Variants in LAMC1 observed in about 807,000 individuals in gnomAD.
The protein encoded by LAMC1 is laminin subunit gamma 1.
LAMC1 carries 38 observed loss-of-function variants against 173.6 expected under a neutral mutation model. The observed-to-expected ratio is 0.22, with a 90% CI of 0.17 to 0.29. The LOEUF (loss-of-function observed/expected upper bound fraction) is 0.29. Ranked by LOEUF, LAMC1 falls within the 10% of genes least tolerant of loss-of-function variation. The pLI is 1.00. For missense variants in LAMC1, 1,824 were observed against 2,051.8 expected (o/e 0.89, Z 2.14); for synonymous variants, 746 against 749.1 (o/e 1.00, Z 0.07).
intron 26 of LAMC1, chr1:183,138,176 C>T: frequency 3.2e-6 from 3 of 945,250 alleles, no homozygotes; most frequent in Non-Finnish European, 3.8e-6. Context: ...TCTTCTTATT[C>T]TTGTTCTCCC....
chr1:183,110,021 CATAA>C (rs1656099154), intron 3 of LAMC1, among the ~76,000 whole-genome samples: 1 of 152,164 alleles, frequency 6.6e-6, no homozygotes, highest in African/African-American at 2.4e-5. Flanking sequence ...ATCCTGAGCA[CATAA>C]ATAAAGCACT....
In LAMC1 at chr1:183,134,803, A is replaced by G; in HGVS notation, c.3993A>G (p.Glu1331=). ...VKNLLEKGKT[E]QQTADQLLAR... ...ACCTTCTGGAGAAAGGCAAGACTGA[A>G]CAGCAGGTTGGTTTGATTTGCAGGT... Residue 1331 remains glutamate, a synonymous_variant, in exon 23 of 28, where the codon GAA becomes GAG. Transcript: ENST00000258341. The G allele has an allele frequency of 6.2e-7, 1 of 1,611,310 alleles. No individual in the cohort carries two copies. Among genetic ancestry groups the G allele is most frequent in the East Asian group, 2.2e-5 (1 of 44,884 alleles).
intron 1 of LAMC1, among the ~76,000 whole-genome samples, chr1:183,038,699 A>G (rs1169081958): frequency 3.3e-5 from 5 of 152,206 alleles, no homozygotes; most frequent in Admixed American, 2.6e-4. Context: ...ACGAATCCCA[A>G]TTAGAGGCAG....
intron 13 of LAMC1, 39 bp downstream of exon 13, chr1:183,122,290 C>G: frequency 6.3e-7 from 1 of 1,587,236 alleles, no homozygotes; most frequent in Non-Finnish European, 8.6e-7. Flanking sequence ...GTGTTCCCTT[C>G]TATAAAAAGA....
chr1:183,133,575 G>T, intron 22 of LAMC1, 25 bp downstream of exon 22: 2 of 1,584,484 alleles, frequency 1.3e-6, no homozygotes, highest in African/African-American at 1.3e-5. Flanking sequence ...TGTACGCACA[G>T]CCCCACCCCG....
chr1:183,132,313 TA>T, intron 20 of LAMC1, 86 bp from the exon 21 acceptor site: 5 of 803,132 alleles, frequency 6.2e-6, no homozygotes, highest in Non-Finnish European at 9.5e-6. Context: ...ATAATAATAA[TA>T]ATAATAAAGT....
At chr1:183,077,288 T>A (rs1655140721) in intron 1 of LAMC1, among the ~76,000 whole-genome samples, 1 of 152,160 alleles carries the variant, frequency 6.6e-6, no homozygotes, top group Non-Finnish European at 1.5e-5. Flanking sequence ...TGTTAGTCGT[T>A]TTGGAGAGGG....
intron 1 of LAMC1, among the ~76,000 whole-genome samples, chr1:183,088,837 T>C (rs1655497711): frequency 1.3e-5 from 2 of 152,118 alleles, no homozygotes; most frequent in South Asian, 4.1e-4. Flanking sequence ...AGACGTGGCA[T>C]ATGGATAATA....
At position 183,134,640 on chromosome 1, in the gene LAMC1, A is replaced by G. The variant is rs1378456684; in HGVS notation, c.3850-20A>G. 2.4e-5 allele frequency: 39 copies of G among 1,601,034 alleles called. No individual in the cohort carries two copies. The highest frequency in any genetic ancestry group is 3.2e-5 in the Non-Finnish European group (37 of 1,173,762). On this transcript the variant is annotated intron_variant, in intron 22 of 27. Coordinates refer to ENST00000258341, the MANE Select transcript of LAMC1 (RefSeq NM_002293.4). ...TAAATGTTTTATCCAAAGTGTAGTG[A>G]TCTTACTTGCTTTTCACAGAATGAA...
At chr1:183,035,200 T>C (rs538086952) in intron 1 of LAMC1, among the ~76,000 whole-genome samples, 9 of 152,276 alleles carry the variant, frequency 5.9e-5, no homozygotes, top group Non-Finnish European at 1.2e-4. Flanking sequence ...AAAAAATATA[T>C]ATGTTTTAGA....
chr1:183,074,952 CA>C (rs1482574511), intron 1 of LAMC1, among the ~76,000 whole-genome samples: 1 of 152,110 alleles, frequency 6.6e-6, no homozygotes, highest in Non-Finnish European at 1.5e-5. Context: ...AATTCAGACA[CA>C]ACCTCAATCC....
chr1:183,042,565 T>C (rs1654164222), intron 1 of LAMC1, among the ~76,000 whole-genome samples: 1 of 152,190 alleles, frequency 6.6e-6, no homozygotes, highest in Non-Finnish European at 1.5e-5. Context: ...GTCTGGTTTC[T>C]CCCAAGTTCT....
In LAMC1 at chr1:183,034,000, G is replaced by A. The variant is rs6657212; in HGVS notation, c.418+9866G>A. On this transcript the variant is annotated intron_variant, in intron 1 of 27. Transcript: ENST00000258341. ...AGTCGTGAGCCACTGTGCCTGGCTGGAGAAACTTATAAAGCTATGAAATAT... is the reference window on the plus strand; with the variant it reads ...AGTCGTGAGCCACTGTGCCTGGCTGAAGAAACTTATAAAGCTATGAAATAT... Among the ~76,000 whole-genome samples, 663 of 152,060 alleles carry A rather than the reference G, an allele frequency of 4.4e-3. 6 individuals are homozygous for A. Among genetic ancestry groups the A allele is most frequent in the African/African-American group, 0.015 (629 of 41,482 alleles).
chr1:183,084,515 C>T (rs527293685), intron 1 of LAMC1, among the ~76,000 whole-genome samples: 1 of 152,228 alleles, frequency 6.6e-6, no homozygotes, highest in African/African-American at 2.4e-5. Flanking sequence ...GTTTCTGAAA[C>T]TTGTATTATC....
At chr1:183,127,747 A>G (rs1656660438) in intron 17 of LAMC1, among the ~76,000 whole-genome samples, 2 of 152,170 alleles carry the variant, frequency 1.3e-5, no homozygotes. Context: ...AACCTGGTAT[A>G]CAGAGGCCTG....
Position 183,130,348 on chromosome 1 carries a change from T to C in LAMC1, c.3285T>C (p.Val1095=), listed in dbSNP as rs769214262. 1 of 1,613,732 alleles carries C rather than the reference T, an allele frequency of 6.2e-7. No individual in the cohort carries two copies. The highest frequency in any genetic ancestry group is 1.1e-5 in the South Asian group (1 of 91,076). ...LLREAQDVKD[V]DQNLMDRLQR... ...TTCTTCTGCAAACCATTTTAGATGT[T>C]GACCAGAATTTGATGGATCGCCTAC... Residue 1095 remains valine, a synonymous_variant, in exon 19 of 28, where the codon GTT becomes GTC. Coordinates refer to ENST00000258341, the MANE Select transcript of LAMC1 (RefSeq NM_002293.4).
Position 183,132,394 on chromosome 1 carries a change from G to T in LAMC1, c.3567-6G>T, listed in dbSNP as rs1403549704. ...TCATGGCTTATTTTTTGTTTTATCTGTATAGTCATAAACAGGAAGCTGATG... is the reference window on the plus strand; with the variant it reads ...TCATGGCTTATTTTTTGTTTTATCTTTATAGTCATAAACAGGAAGCTGATG... On this transcript the variant is annotated splice_region_variant and splice_polypyrimidine_tract_variant and intron_variant, in intron 20 of 27. Transcript: ENST00000258341. 1 of 1,611,400 alleles carries T rather than the reference G, an allele frequency of 6.2e-7. No homozygotes were observed.
chr1:183,107,140 A>G (rs1052145800), intron 2 of LAMC1, among the ~76,000 whole-genome samples: 1 of 152,234 alleles, frequency 6.6e-6, no homozygotes. Flanking sequence ...ACACCTACCA[A>G]CTTGATAAGT....
rs762711118 is a variant in LAMC1, at chr1:183,140,522, AT to A, written c.4573+24del. ...CAGCTGGGTACGTAGCCATAGAGTC[AT>A]TTTTGTCAGTCTCTGAATCTTTTGT... On this transcript the variant is annotated intron_variant, in intron 27 of 27. Coordinates refer to ENST00000258341, the MANE Select transcript of LAMC1 (RefSeq NM_002293.4). 3 of 1,526,824 alleles carry A rather than the reference AT, an allele frequency of 2.0e-6. No individual in the cohort carries two copies. Among genetic ancestry groups the A allele is most frequent in the Middle Eastern group, 3.4e-4 (2 of 5,900 alleles). 94.6% of individuals were successfully genotyped at this position (1,526,824 alleles called of 1,614,324 possible). A position where few individuals can be genotyped will look rare whatever the true frequency, so the allele number is the denominator to read the frequency against.
Sources: gnomAD v4.1 joint callset for allele counts (sites outside exome capture counted in the v4.1 genomes callset) on GRCh38, gnomAD v4.1.1 for gene constraint, MANE v1.5 for transcripts, NCBI Gene and HGNC (gene_info 2026-07-23, HGNC 2026-07-21) for gene names.